The following MCF2L variants were observed in gnomAD, a reference collection of about 807,000 sequenced individuals.
MCF2L encodes guanine nucleotide exchange factor DBS.
A neutral mutation model predicts 153.4 loss-of-function variants in MCF2L; 97 were observed. That is an observed-to-expected ratio of 0.63 (90% CI 0.54 to 0.75). The LOEUF is 0.75. Ranked by LOEUF, MCF2L falls within the 30% of genes least tolerant of loss-of-function variation. The pLI is 0.00. For synonymous variants in MCF2L, 659 were observed against 632.2 expected (o/e 1.04, Z -0.64); for missense variants, 1,347 against 1,495.2 (o/e 0.90, Z 1.64).
At chr13:112,929,468 T>C (rs2081440108) in intron 2 of MCF2L, among the ~76,000 whole-genome samples, 1 of 152,234 alleles carries the variant, frequency 6.6e-6, no homozygotes, top group Non-Finnish European at 1.5e-5. Flanking sequence ...AGCCTGCCCT[T>C]TCCGCCTTCT....
In MCF2L at chr13:113,078,704, G is replaced by C. The variant is rs145652555; in HGVS notation, c.1773G>C (p.Ala591=). The C allele has an allele frequency of 5.6e-6, 9 of 1,609,824 alleles. No individual in the cohort carries two copies. Among genetic ancestry groups the C allele is most frequent in the South Asian group, 1.1e-5 (1 of 90,740 alleles). Residue 591 remains alanine (A), a synonymous_variant, in exon 15 of 30, where the codon GCG becomes GCC. Coordinates refer to ENST00000535094, the MANE Select transcript of MCF2L (RefSeq NM_001112732.3). Reference sequence around the variant, plus strand: ...AGAGCCGGCAGGGCCGCGGCTCAGCGGGGGAGGAGGAGGAAAGCCTGGCCA... The same window carrying C: ...AGAGCCGGCAGGGCCGCGGCTCAGCCGGGGAGGAGGAGGAAAGCCTGGCCA... ...MSESRQGRGS[A]GEEEESLAIL... is the part of the protein sequence containing the mutation.
At position 113,096,608 on chromosome 13, in the gene MCF2L, G is replaced by A. The variant is rs767900174; in HGVS notation, c.3247G>A (p.Val1083Ile). ...EGWVPASSLS[V>I]RLGPSGSAQC... Reference sequence around the variant, plus strand: ...CTGGGTGCCGGCCAGCAGCCTGTCCGTCCGGCTCGGCCCGTCCGGCTCGGC... The same window carrying A: ...CTGGGTGCCGGCCAGCAGCCTGTCCATCCGGCTCGGCCCGTCCGGCTCGGC... The change falls in exon 29 of 30, where the codon GTC becomes ATC. Residue 1083 changes from valine (V) to isoleucine (I), a missense_variant. Val to Ile is a conservative substitution (Grantham distance 29, BLOSUM62 3). Transcript: ENST00000535094. 3 of 1,600,434 alleles carry A rather than the reference G, an allele frequency of 1.9e-6. No individual in the cohort carries two copies. Among genetic ancestry groups the A allele is most frequent in the South Asian group, 1.1e-5 (1 of 90,256 alleles).
intron 21 of MCF2L, 102 bp downstream of exon 21, chr13:113,086,351 T>A (rs568645132): frequency 2.6e-6 from 4 of 1,524,214 alleles, no homozygotes; most frequent in Admixed American, 4.0e-5. Flanking sequence ...TTGGTGTGAA[T>A]GTGCAGGTTC....
At chr13:112,949,860 G>T (rs79767831) in intron 2 of MCF2L, among the ~76,000 whole-genome samples, 12 of 152,048 alleles carry the variant, frequency 7.9e-5, no homozygotes, top group African/African-American at 2.9e-4. Context: ...TGCCTTCATC[G>T]CTTTTATTCA....
intron 3 of MCF2L, among the ~76,000 whole-genome samples, chr13:113,033,269 G>A (rs112847533): frequency 0.013 from 316 of 24,486 alleles, 5 homozygotes; most frequent in South Asian, 0.016. Context: ...GGACCCCGTG[G>A]CGTGAGTGGC....
At position 113,096,874 on chromosome 13, in the gene MCF2L, C is replaced by T. The variant is rs895345612; in HGVS notation, c.*15C>T. The T allele has an allele frequency of 7.1e-6, 10 of 1,398,782 alleles. No homozygotes were observed. The highest frequency in any genetic ancestry group is 9.2e-6 in the Non-Finnish European group (10 of 1,082,534). 86.6% of individuals were successfully genotyped at this position (1,398,782 alleles called of 1,614,324 possible). On this transcript the variant is annotated 3_prime_UTR_variant, in exon 30 of 30. Coordinates refer to ENST00000535094, the MANE Select transcript of MCF2L (RefSeq NM_001112732.3). ...TGCAGGGGTAGCGCGGCCTCGGCGCCGGAGACCCGCGCGCTGTCTGGGGCT... is the reference window on the plus strand; with the variant it reads ...TGCAGGGGTAGCGCGGCCTCGGCGCTGGAGACCCGCGCGCTGTCTGGGGCT...
intron 2 of MCF2L, among the ~76,000 whole-genome samples, chr13:112,913,298 G>A (rs1004358151): frequency 6.6e-6 from 1 of 152,062 alleles, no homozygotes; most frequent in African/African-American, 2.4e-5. Context: ...GTGTGATTGT[G>A]TGTCTGTGTT....
At position 113,054,527 on chromosome 13, in the gene MCF2L, A is replaced by G. The variant is rs1053701905; in HGVS notation, c.370-6066A>G. 2.5e-5 allele frequency: 4 copies of G among 159,292 alleles called. No homozygotes were observed. Among genetic ancestry groups the G allele is most frequent in the Admixed American group, 1.3e-4 (2 of 15,282 alleles). The allele number at this position is 159,292 out of a possible 1,614,324, so 9.9% of individuals were successfully genotyped here. On this transcript the variant is annotated intron_variant, in intron 4 of 29. Coordinates refer to ENST00000535094, the MANE Select transcript of MCF2L (RefSeq NM_001112732.3). The surrounding 1 kb of genome is among the most constrained non-coding windows in gnomAD (Gnocchi z 5.2). The stretch of plus-strand genomic sequence containing the variant: ...ATCTGTTAACACAGAGACACAAACA[A>G]ACTTTCAAATGCATATTTTTTATAT...
intron 2 of MCF2L, among the ~76,000 whole-genome samples, chr13:113,017,458 A>G (rs1365782825): frequency 6.6e-6 from 1 of 152,182 alleles, no homozygotes; most frequent in African/African-American, 2.4e-5. Context: ...TTTAGGGCCC[A>G]CCGTATAATC....
chr13:113,078,254 T>C (rs1017771546), intron 13 of MCF2L, 109 bp from the exon 14 acceptor site: 4 of 879,068 alleles, frequency 4.6e-6, no homozygotes, highest in Non-Finnish European at 7.4e-6. Context: ...ACCTGTGGCC[T>C]CAGAGGCCGA....
intron 2 of MCF2L, among the ~76,000 whole-genome samples, chr13:112,903,756 G>A (rs1220266041): frequency 7.2e-5 from 11 of 152,156 alleles, no homozygotes; most frequent in African/African-American, 2.4e-4. Context: ...GACCTCTCAC[G>A]GACTGAGAAC....
At chr13:113,043,463 G>A (rs1485443775) in intron 3 of MCF2L, 4 of 152,370 alleles carry the variant, frequency 2.6e-5, no homozygotes, top group African/African-American at 7.2e-5. Flanking sequence ...CCTGGGGCAA[G>A]AGGGAGGGCA....
chr13:113,051,553 A>G (rs928909725), intron 4 of MCF2L, among the ~76,000 whole-genome samples: 1 of 152,094 alleles, frequency 6.6e-6, no homozygotes, highest in Admixed American at 6.5e-5. Flanking sequence ...TTCACTGTGT[A>G]TTTCCTGGAA....
In MCF2L at chr13:113,006,627, G is replaced by A. The variant is rs957681411; in HGVS notation, c.80-8136G>A. Reference sequence around the variant, plus strand: ...GCAGGCAGTGGCTGGGAGAGCAGGCGCACCCTGGGCGGCCTCCAGGAGAGA... The same window carrying A: ...GCAGGCAGTGGCTGGGAGAGCAGGCACACCCTGGGCGGCCTCCAGGAGAGA... On this transcript the variant is annotated intron_variant, in intron 1 of 29. Coordinates refer to ENST00000535094, the MANE Select transcript of MCF2L (RefSeq NM_001112732.3). 2.6e-5 allele frequency among the ~76,000 whole-genome samples: 4 copies of A among 152,212 alleles called. No individual in the cohort carries two copies. The South Asian group carries it at 6.2e-4, about 24-fold the overall frequency.
At position 113,027,707 on chromosome 13, in the gene MCF2L, T is replaced by C. The variant is rs1322926575; in HGVS notation, c.278+2949T>C. Reference sequence around the variant, plus strand: ...CGATGCTGCAGACGGTTTCCACACATTCCTCCCTGGTTCTCAGCCACACTG... The same window carrying C: ...CGATGCTGCAGACGGTTTCCACACACTCCTCCCTGGTTCTCAGCCACACTG... On this transcript the variant is annotated intron_variant, in intron 3 of 29. Coordinates refer to ENST00000535094, the MANE Select transcript of MCF2L (RefSeq NM_001112732.3). The surrounding 1 kb of genome is among the most constrained non-coding windows in gnomAD (Gnocchi z 4.8). Among the ~76,000 whole-genome samples the C allele has an allele frequency of 6.6e-6, 1 of 152,176 alleles. No homozygotes were observed. The highest frequency in any genetic ancestry group is 6.5e-5 in the Admixed American group (1 of 15,278).
chr13:112,922,156 C>T (rs182878964), intron 2 of MCF2L, among the ~76,000 whole-genome samples: 26 of 152,282 alleles, frequency 1.7e-4, no homozygotes, highest in African/African-American at 5.3e-4. Context: ...CGACTTTGTA[C>T]AACCAAAACT....
At chr13:112,914,064 T>G (rs1009024826) in intron 2 of MCF2L, among the ~76,000 whole-genome samples, 1 of 152,222 alleles carries the variant, frequency 6.6e-6, no homozygotes, top group African/African-American at 2.4e-5. Flanking sequence ...TTCTTTTCTT[T>G]TTCCTTTCTT....
At position 112,983,958 on chromosome 13, in the gene MCF2L, TG is replaced by T. The variant is rs2082534683; in HGVS notation, c.79+14503del. 6.6e-6 allele frequency among the ~76,000 whole-genome samples: 1 copy of T among 152,210 alleles called. No homozygotes were observed. The highest frequency in any genetic ancestry group is 2.1e-4 in the South Asian group (1 of 4,832). On this transcript the variant is annotated intron_variant, in intron 1 of 29. Transcript: ENST00000535094. This position sits in a 1 kb window ranked among gnomAD's most constrained non-coding sequence, Gnocchi z 4.0. ...CTCCTCTGCCCGGAGGAGACGGTGC[TG>T]GGAGAAAATGTAGCTGCAGGTGGAG...
chr13:112,914,459 A>C (rs1226530279), intron 2 of MCF2L, among the ~76,000 whole-genome samples: 1 of 152,166 alleles, frequency 6.6e-6, no homozygotes, highest in Non-Finnish European at 1.5e-5. Flanking sequence ...CCTAGTATAC[A>C]TGCCCTTCAG....
Sources: gnomAD v4.1 joint callset for allele counts (sites outside exome capture counted in the v4.1 genomes callset) on GRCh38, gnomAD v4.1.1 for gene constraint, Gnocchi (gnomAD v3.1) non-coding constraint, MANE v1.5 for transcripts, NCBI Gene and HGNC (gene_info 2026-07-23, HGNC 2026-07-21) for gene names.